The following IGFBP7 variants were observed in gnomAD, a reference collection of about 807,000 sequenced individuals.
The protein encoded by IGFBP7 is insulin-like growth factor-binding protein 7.
In IGFBP7, 31 loss-of-function variants were observed where a neutral mutation model predicts 29.4. The observed-to-expected ratio is 1.05, with a 90% CI of 0.79 to 1.42. The LOEUF (loss-of-function observed/expected upper bound fraction) is 1.42, where lower values mean the gene tolerates loss of function less well. IGFBP7 is among the 40% of genes most tolerant of loss of function. The pLI is 0.00. For missense variants in IGFBP7, 393 were observed against 395.5 expected, an observed-to-expected ratio of 0.99 and a Z score of 0.05; for synonymous variants, 172 against 174.9, an observed-to-expected ratio of 0.98 and a Z score of 0.13.
In IGFBP7 at chr4:57,103,660, C is replaced by CTTTTTTTT. The variant is rs59173874; in HGVS notation, c.475+6209_475+6216dup. Among the ~76,000 whole-genome samples, 679 of 86,436 alleles carry CTTTTTTTT rather than the reference C, an allele frequency of 7.9e-3. 13 individuals are homozygous for CTTTTTTTT. Among genetic ancestry groups the CTTTTTTTT allele is most frequent in the Middle Eastern group, 0.016 (1 of 62 alleles). The allele number at this position is 86,436 out of a possible 152,430, so 56.7% of individuals were successfully genotyped here. On this transcript the variant is annotated intron_variant, in intron 1 of 4. Coordinates refer to ENST00000295666, the MANE Select transcript of IGFBP7 (RefSeq NM_001553.3). ...AACTTTTCTTTTTTTTTTTTCTTTT[C>CTTTTTTTT]TTTTTTTTTTTTTTTTGAGGCAGGG...
intron 1 of IGFBP7, among the ~76,000 whole-genome samples, chr4:57,075,898 A>G (rs931006430): frequency 7.2e-5 from 11 of 152,164 alleles, no homozygotes; most frequent in African/African-American, 2.4e-4. Context: ...TCTGTTATAT[A>G]TAACTATATA....
chr4:57,067,224 T>A (rs17183291), intron 1 of IGFBP7, among the ~76,000 whole-genome samples: 9,664 of 152,242 alleles, frequency 0.063, 389 homozygotes, highest in South Asian at 0.096. Flanking sequence ...ACTTTCATCA[T>A]TATACGAAAA....
chr4:57,072,117 T>C (rs1263020344), intron 1 of IGFBP7, among the ~76,000 whole-genome samples: 2 of 152,110 alleles, frequency 1.3e-5, no homozygotes, highest in Non-Finnish European at 2.9e-5. Flanking sequence ...CAGTACTCGA[T>C]AGTTATCTTT....
At chr4:57,076,906 T>C (rs543023257) in intron 1 of IGFBP7, among the ~76,000 whole-genome samples, 15 of 152,366 alleles carry the variant, frequency 9.8e-5, no homozygotes, top group African/African-American at 3.4e-4. Context: ...TGAGCAATAG[T>C]TGAAAGTTGT....
chr4:57,070,419 A>T (rs1194286869), intron 1 of IGFBP7, among the ~76,000 whole-genome samples: 1 of 152,226 alleles, frequency 6.6e-6, no homozygotes, highest in Non-Finnish European at 1.5e-5. Context: ...ACACAGATTC[A>T]GTTTATCTAT....
At chr4:57,103,030 G>C (rs1243250971) in intron 1 of IGFBP7, among the ~76,000 whole-genome samples, 5 of 152,154 alleles carry the variant, frequency 3.3e-5, no homozygotes. Flanking sequence ...CACTTTATGA[G>C]CAGTCACCGA....
intron 3 of IGFBP7, 140 bp from the exon 4 acceptor site, chr4:57,032,692 C>G (rs754106735): frequency 1.4e-6 from 1 of 727,532 alleles, no homozygotes; most frequent in Non-Finnish European, 2.4e-6. Context: ...CAGTGCAAGT[C>G]CTGTGATAGG....
At chr4:57,070,284 G>T (rs1725025130) in intron 1 of IGFBP7, among the ~76,000 whole-genome samples, 2 of 152,136 alleles carry the variant, frequency 1.3e-5, no homozygotes, top group African/African-American at 4.8e-5. Context: ...TTCTAAAGAG[G>T]TTGGTTTAAA....
At chr4:57,047,609 T>C (rs1724393834) in intron 1 of IGFBP7, among the ~76,000 whole-genome samples, 1 of 152,216 alleles carries the variant, frequency 6.6e-6, no homozygotes, top group African/African-American at 2.4e-5. Flanking sequence ...TCCATAAGTT[T>C]ATGCAAATAA....
chr4:57,091,216 G>A (rs1021477613), intron 1 of IGFBP7, among the ~76,000 whole-genome samples: 13 of 152,236 alleles, frequency 8.5e-5, no homozygotes, highest in Non-Finnish European at 1.9e-4. Context: ...AATGACCAGA[G>A]TAACTGGAGA....
At chr4:57,060,625 A>G (rs17182939) in intron 1 of IGFBP7, among the ~76,000 whole-genome samples, 9,868 of 152,220 alleles carry the variant, frequency 0.065, 383 homozygotes, top group Non-Finnish European at 0.08. Context: ...TCCTCATTAC[A>G]GCAAAGGGTT....
At chr4:57,098,158 C>T (rs544616684) in intron 1 of IGFBP7, among the ~76,000 whole-genome samples, 59 of 152,276 alleles carry the variant, frequency 3.9e-4, no homozygotes, top group Non-Finnish European at 4.7e-4. Flanking sequence ...TTTGCTTATT[C>T]GCTCTCTCTT....
intron 1 of IGFBP7, among the ~76,000 whole-genome samples, chr4:57,059,795 C>T (rs1200535944): frequency 6.6e-6 from 1 of 152,138 alleles, no homozygotes; most frequent in African/African-American, 2.4e-5. Flanking sequence ...AGAAAAATGT[C>T]ATCTAATCAT....
At chr4:57,107,024 G>A (rs529844564) in intron 1 of IGFBP7, among the ~76,000 whole-genome samples, 1 of 152,256 alleles carries the variant, frequency 6.6e-6, no homozygotes, top group East Asian at 1.9e-4. Flanking sequence ...AGAGAGGTAT[G>A]GAAAACAAGC....
At chr4:57,071,331 A>G (rs1279260167) in intron 1 of IGFBP7, among the ~76,000 whole-genome samples, 1 of 152,220 alleles carries the variant, frequency 6.6e-6, no homozygotes, top group Non-Finnish European at 1.5e-5. Context: ...AGCAAGTCAG[A>G]GAGGTCTGCA....
At chr4:57,044,064 A>T (rs924840981) in intron 1 of IGFBP7, among the ~76,000 whole-genome samples, 5 of 152,156 alleles carry the variant, frequency 3.3e-5, no homozygotes, top group African/African-American at 4.8e-5. Flanking sequence ...CAGTTTTCAG[A>T]GATTTGAGGG....
chr4:57,040,953 G>T lies in IGFBP7; in HGVS notation c.476-20C>A. ...AAGGACCTGCAGGAGAGGGCACAAA[G>T]CCAAAGTCATCTTTTAAACAGTCCT... On this transcript the variant is annotated intron_variant, in intron 1 of 4. Coordinates refer to ENST00000295666, the MANE Select transcript of IGFBP7 (RefSeq NM_001553.3). 1 of 1,511,000 alleles carries T rather than the reference G, an allele frequency of 6.6e-7. No homozygotes were observed. The highest frequency in any genetic ancestry group is 9.2e-7 in the Non-Finnish European group (1 of 1,086,424). The allele number at this position is 1,511,000 out of a possible 1,614,324, so 93.6% of individuals were successfully genotyped here. A position where few individuals can be genotyped will look rare whatever the true frequency, so the allele number is the denominator to read the frequency against.
chr4:57,086,791 T>A (rs1055224816), intron 1 of IGFBP7, among the ~76,000 whole-genome samples: 6 of 152,354 alleles, frequency 3.9e-5, no homozygotes, highest in Middle Eastern at 3.4e-3. Context: ...TGGAGTGTAG[T>A]GGCGCGATCT....
intron 1 of IGFBP7, chr4:57,072,658 C>G: frequency 3.1e-6 from 1 of 327,006 alleles, no homozygotes; most frequent in Non-Finnish European, 5.9e-6. Flanking sequence ...TAGCCACCAC[C>G]AGCAGGGGTG....
Sources: gnomAD v4.1 joint callset for allele counts (sites outside exome capture counted in the v4.1 genomes callset) on GRCh38, gnomAD v4.1.1 for gene constraint, MANE v1.5 for transcripts, NCBI Gene and HGNC (gene_info 2026-07-23, HGNC 2026-07-21) for gene names.